The following ANKRD29 variants were observed in gnomAD, a reference collection of about 807,000 sequenced individuals.
ANKRD29 encodes the protein ankyrin repeat domain-containing protein 29.
ANKRD29 carries 32 observed loss-of-function variants against 38.0 expected under a neutral mutation model. That is an observed-to-expected ratio of 0.84 (90% CI 0.64 to 1.13). The LOEUF (loss-of-function observed/expected upper bound fraction) is 1.13. Ranked by LOEUF, ANKRD29 falls within the 50% of genes most tolerant of loss-of-function variation. The probability of loss-of-function intolerance (pLI) is 0.00; values close to 1 mark genes in which losing one functional copy is unlikely to be tolerated. For synonymous variants in ANKRD29, 135 were observed against 152.4 expected, an observed-to-expected ratio of 0.89 and a Z score of 0.84; for missense variants, 357 against 377.9, an observed-to-expected ratio of 0.94 and a Z score of 0.46.
intron 3 of ANKRD29, among the ~76,000 whole-genome samples, chr18:23,642,982 T>C (rs191772295): frequency 0.011 from 1,628 of 152,330 alleles, 15 homozygotes; most frequent in Middle Eastern, 0.031. Flanking sequence ...CATACTTCTC[T>C]TGGGGAGCAG....
chr18:23,662,901 AG>A lies in ANKRD29; in HGVS notation c.-172del, dbSNP rs2060387935. 2.4e-6 allele frequency: 1 copy of A among 422,994 alleles called. No homozygotes were observed. The highest frequency in any genetic ancestry group is 6.4e-5 in the Admixed American group (1 of 15,676). The allele number at this position is 422,994 out of a possible 1,614,324, so 26.2% of individuals were successfully genotyped here. A position where few individuals can be genotyped will look rare whatever the true frequency, so the allele number is the denominator to read the frequency against. ...GCCGCCGCACACAGGGCCGGGCCGA[AG>A]GGGCGGCGCGGGGGCGCGCGCGCGC... On this transcript the variant is annotated 5_prime_UTR_variant, in exon 1 of 10. Coordinates refer to ENST00000592179, the MANE Select transcript of ANKRD29 (RefSeq NM_173505.4).
chr18:23,599,815 T>C lies in ANKRD29; in HGVS notation c.*1411A>G, dbSNP rs1050561644. ...CTGATTTTTGTTGCATTAATTGTTA[T>C]AAATTTTAAGAGAATATCTTCTAAT... is the stretch of plus-strand genomic sequence containing the variant. On this transcript the variant is annotated 3_prime_UTR_variant, in exon 10 of 10. Transcript: ENST00000592179. 2 of 152,236 alleles carry C rather than the reference T, an allele frequency of 1.3e-5. No homozygotes were observed. The highest frequency in any genetic ancestry group is 2.4e-5 in the African/African-American group (1 of 41,476). The allele number at this position is 152,236 out of a possible 1,614,324, so 9.4% of individuals were successfully genotyped here. A position where few individuals can be genotyped will look rare whatever the true frequency, so the allele number is the denominator to read the frequency against.
intron 2 of ANKRD29, chr18:23,648,563 T>C (rs1405715262): frequency 4.7e-6 from 1 of 213,034 alleles, no homozygotes; most frequent in African/African-American, 2.3e-5. Flanking sequence ...GCTCTCTAAG[T>C]GGTATCTGCC....
chr18:23,627,800 CT>C (rs1371057997), intron 6 of ANKRD29, among the ~76,000 whole-genome samples: 1 of 152,080 alleles, frequency 6.6e-6, no homozygotes, highest in Non-Finnish European at 1.5e-5. Flanking sequence ...TAACCAATTC[CT>C]TTTACTAATT....
At chr18:23,631,942 T>C (rs761120155) in intron 5 of ANKRD29, among the ~76,000 whole-genome samples, 1 of 152,168 alleles carries the variant, frequency 6.6e-6, no homozygotes, top group Non-Finnish European at 1.5e-5. Flanking sequence ...GAGCACACCC[T>C]AGAGGAAAAC....
Position 23,629,837 on chromosome 18 carries a change from C to T in ANKRD29, c.528+16G>A. On this transcript the variant is annotated intron_variant, in intron 6 of 9. Transcript: ENST00000592179. ...ATGCGCCATGTGCTCGGGCAAATGT[C>T]AACAGTGGACATTACCTGCCTTGGC... is the stretch of plus-strand genomic sequence containing the variant. The T allele has an allele frequency of 6.2e-7, 1 of 1,611,990 alleles. No individual in the cohort carries two copies.
intron 9 of ANKRD29, among the ~76,000 whole-genome samples, chr18:23,602,159 C>T (rs1390571781): frequency 6.6e-6 from 1 of 152,062 alleles, no homozygotes; most frequent in African/African-American, 2.4e-5. Context: ...GCCTCAGCCT[C>T]CCGAGTGGCT....
intron 6 of ANKRD29, among the ~76,000 whole-genome samples, chr18:23,622,458 A>G (rs1292004111): frequency 6.6e-6 from 1 of 152,164 alleles, no homozygotes; most frequent in Non-Finnish European, 1.5e-5. Flanking sequence ...TGTCTATTCA[A>G]TGTGCTTTTC....
At chr18:23,640,779 G>A (rs899703990) in intron 3 of ANKRD29, among the ~76,000 whole-genome samples, 4 of 152,150 alleles carry the variant, frequency 2.6e-5, no homozygotes, top group Non-Finnish European at 5.9e-5. Context: ...TTCTGAGCTT[G>A]GAGCTTGGGA....
chr18:23,648,786 T>G (rs1462998544), intron 2 of ANKRD29: 1 of 411,140 alleles, frequency 2.4e-6, no homozygotes, highest in East Asian at 3.5e-5. Context: ...GCTTGAATTC[T>G]TTCACTAAAC....
At position 23,601,004 on chromosome 18, in the gene ANKRD29, G is replaced by T. The variant is rs778612747; in HGVS notation, c.*222C>A. 1.6e-5 allele frequency: 7 copies of T among 440,918 alleles called. No homozygotes were observed. The highest frequency in any genetic ancestry group is 2.4e-5 in the Non-Finnish European group (6 of 245,058). 27.3% of individuals were successfully genotyped at this position (440,918 alleles called of 1,614,324 possible). ...AGGCCCCCCGGGAGATGAGTTACAG[G>T]ACACCATGAGAAGTCCATGGTGAAG... On this transcript the variant is annotated 3_prime_UTR_variant, in exon 10 of 10. Coordinates refer to ENST00000592179, the MANE Select transcript of ANKRD29 (RefSeq NM_173505.4).
intron 3 of ANKRD29, among the ~76,000 whole-genome samples, chr18:23,641,985 C>T (rs2060084056): frequency 6.6e-6 from 1 of 152,118 alleles, no homozygotes; most frequent in African/African-American, 2.4e-5. Context: ...AAAGGCGCTA[C>T]CCACTATGGG....
chr18:23,603,701 CATAGTGGTAG>C (rs2059541661), intron 9 of ANKRD29, among the ~76,000 whole-genome samples: 1 of 152,148 alleles, frequency 6.6e-6, no homozygotes, highest in African/African-American at 2.4e-5. Flanking sequence ...CTGTTAAGGT[CATAGTGGTAG>C]ATACCTTGTT....
At chr18:23,610,294 G>T (rs1246104069) in intron 9 of ANKRD29, among the ~76,000 whole-genome samples, 1 of 152,052 alleles carries the variant, frequency 6.6e-6, no homozygotes, top group Non-Finnish European at 1.5e-5. Flanking sequence ...TGGTCAACGT[G>T]GCAAAACCCT....
At chr18:23,656,017 C>T (rs1393054059) in intron 1 of ANKRD29, among the ~76,000 whole-genome samples, 49 of 144,938 alleles carry the variant, frequency 3.4e-4, no homozygotes, top group Non-Finnish European at 3.0e-4. Context: ...GGCGTGAACC[C>T]GGGAGGCGGA....
chr18:23,629,022 T>G (rs1051840812), intron 6 of ANKRD29, among the ~76,000 whole-genome samples: 9 of 152,270 alleles, frequency 5.9e-5, no homozygotes, highest in South Asian at 4.1e-4. Flanking sequence ...TCTTGTTCTA[T>G]TGCCAAGACT....
intron 8 of ANKRD29, 82 bp downstream of exon 8, chr18:23,617,650 C>T: frequency 1.7e-6 from 2 of 1,175,770 alleles, no homozygotes; most frequent in Non-Finnish European, 2.5e-6. Flanking sequence ...TAACTGCACC[C>T]AAATTCGACA....
chr18:23,613,557 A>G (rs867733806), intron 8 of ANKRD29, among the ~76,000 whole-genome samples: 2 of 151,852 alleles, frequency 1.3e-5, no homozygotes, highest in African/African-American at 4.8e-5. Context: ...TGTTCCTTTT[A>G]TTCATAGAAT....
chr18:23,622,755 C>G (rs759397580), intron 6 of ANKRD29, among the ~76,000 whole-genome samples: 1 of 152,074 alleles, frequency 6.6e-6, no homozygotes, highest in South Asian at 2.1e-4. Flanking sequence ...TAAGTAGAGA[C>G]GGGGTTTCAC....
Sources: gnomAD v4.1 joint callset for allele counts (sites outside exome capture counted in the v4.1 genomes callset) on GRCh38, gnomAD v4.1.1 for gene constraint, MANE v1.5 for transcripts, NCBI Gene and HGNC (gene_info 2026-07-23, HGNC 2026-07-21) for gene names.